Variants in NUP188 observed in about 807,000 individuals in gnomAD.
NUP188 encodes nucleoporin 188, also known as nucleoporin NUP188.
NUP188 carries 97 observed loss-of-function variants against 223.0 expected under a neutral mutation model. That is an observed-to-expected ratio of 0.43 (90% CI 0.37 to 0.51). The LOEUF (loss-of-function observed/expected upper bound fraction) is 0.51. Ranked by LOEUF, NUP188 falls within the 20% of genes least tolerant of loss-of-function variation. NUP188 has a pLI of 0.00. For synonymous variants in NUP188, 869 were observed against 828.0 expected, an observed-to-expected ratio of 1.05 and a Z score of -0.85; for missense variants, 1,947 against 2,175.6, an observed-to-expected ratio of 0.89 and a Z score of 2.09.
At chr9:129,003,537 G>A in intron 38 of NUP188, 83 bp downstream of exon 38, 2 of 1,480,040 alleles carry the variant, frequency 1.4e-6, no homozygotes, top group Non-Finnish European at 1.9e-6. Flanking sequence ...GGCACTCCTA[G>A]TGAATTGCAG....
intron 11 of NUP188, among the ~76,000 whole-genome samples, chr9:128,972,685 C>A (rs75395760): frequency 6.6e-6 from 1 of 152,256 alleles, no homozygotes; most frequent in Non-Finnish European, 1.5e-5. Flanking sequence ...TGTGTGGAGG[C>A]AGAGGATATA....
intron 1 of NUP188, 126 bp downstream of exon 1, chr9:128,947,877 G>A (rs1355096412): frequency 1.6e-5 from 15 of 920,306 alleles, no homozygotes; most frequent in Admixed American, 3.9e-5. Flanking sequence ...TGGATGGACG[G>A]GCACCGAGAC....
chr9:128,985,693 GA>G (rs1020112562), intron 20 of NUP188, among the ~76,000 whole-genome samples: 7 of 152,140 alleles, frequency 4.6e-5, no homozygotes, highest in Non-Finnish European at 7.4e-5. Flanking sequence ...GGTCATGCAT[GA>G]AAAAAACTAT....
At position 128,987,572 on chromosome 9, in the gene NUP188, ATACCTC is replaced by A. The variant is rs1212471274; in HGVS notation, c.2265-15_2265-10del. 2 of 1,606,226 alleles carry A rather than the reference ATACCTC, an allele frequency of 1.2e-6. No homozygotes were observed. The highest frequency in any genetic ancestry group is 1.7e-6 in the Non-Finnish European group (2 of 1,176,426). On this transcript the variant is annotated splice_polypyrimidine_tract_variant and intron_variant, in intron 22 of 43. Transcript: ENST00000372577. ...CTGAGTGGCTCCCTGGTAACTCAGA[ATACCTC>A]TGTCTTCCAGTCATACTCCCAGCCT...
intron 8 of NUP188, chr9:128,964,163 T>G: frequency 3.9e-6 from 1 of 255,272 alleles, no homozygotes; most frequent in Non-Finnish European, 7.8e-6. Context: ...ATGTTGAACA[T>G]CTTTTCACGT....
chr9:128,951,362 C>G (rs1276470648), intron 2 of NUP188, among the ~76,000 whole-genome samples: 1 of 150,070 alleles, frequency 6.7e-6, no homozygotes, highest in Non-Finnish European at 1.5e-5. Flanking sequence ...ATTAGTAGTT[C>G]CAGCTACTCA....
chr9:128,986,689 C>A lies in NUP188; in HGVS notation c.2197+11C>A. 6.2e-7 allele frequency: 1 copy of A among 1,614,116 alleles called. No individual in the cohort carries two copies. The highest frequency in any genetic ancestry group is 8.5e-7 in the Non-Finnish European group (1 of 1,180,008). On this transcript the variant is annotated intron_variant, in intron 21 of 43. Coordinates refer to ENST00000372577, the MANE Select transcript of NUP188 (RefSeq NM_015354.3). ...TGAGGGAACAGATTGGTAAGGACAG[C>A]ATGGGCAGGGAAGACCTGGGGATTT...
chr9:129,005,052 G>A (rs548241743), intron 38 of NUP188, 95 bp from the exon 39 acceptor site: 39 of 811,258 alleles, frequency 4.8e-5, no homozygotes, highest in East Asian at 1.7e-4. Context: ...AGTGAGGAGC[G>A]CATGGGTGTT....
intron 8 of NUP188, 144 bp from the exon 9 acceptor site, chr9:128,968,362 G>A (rs1842060452): frequency 1.6e-5 from 10 of 636,898 alleles, no homozygotes; most frequent in South Asian, 3.9e-5. Context: ...GATCAGTTGC[G>A]TGTAGCAGTT....
chr9:128,983,499 G>T lies in NUP188; in HGVS notation c.1910G>T (p.Gly637Val). The stretch of plus-strand genomic sequence containing the variant: ...GTCTGGACTGATCTTCGTCACACAG[G>T]TTTTTTACCATTTGTGGCCCATCCT... ...AKVWTDLRHT[G>V]FLPFVAHPVS... The change falls in exon 19 of 44, where the codon GGT becomes GTT. Residue 637 changes from glycine (G) to valine (V), a missense_variant. By Grantham distance (109) the Gly-to-Val change is moderately radical. This residue lies in a region of NUP188 where 817 missense variants were observed against 865.8 expected (regional missense o/e 0.94). Transcript: ENST00000372577. 1.2e-6 allele frequency: 2 copies of T among 1,614,072 alleles called. No homozygotes were observed. Among genetic ancestry groups the T allele is most frequent in the Non-Finnish European group, 1.7e-6 (2 of 1,180,006 alleles).
chr9:129,002,020 A>G lies in NUP188; in HGVS notation c.4137+44A>G, dbSNP rs1043674685. On this transcript the variant is annotated intron_variant, in intron 36 of 43. Coordinates refer to ENST00000372577, the MANE Select transcript of NUP188 (RefSeq NM_015354.3). ...CCAGGAGGCCCAGCCTGACCACCCT[A>G]CAGTTCCAGTTGAAAAGTGTCCTCC... The G allele has an allele frequency of 2.0e-6, 3 of 1,501,296 alleles. No individual in the cohort carries two copies. In the African/African-American group the frequency reaches 4.1e-5, roughly 21 times the overall value. The allele number at this position is 1,501,296 out of a possible 1,614,324, so 93.0% of individuals were successfully genotyped here. A position where few individuals can be genotyped will look rare whatever the true frequency, so the allele number is the denominator to read the frequency against.
chr9:128,979,278 C>T lies in NUP188; in HGVS notation c.1220C>T (p.Ala407Val). 6.2e-7 allele frequency: 1 copy of T among 1,611,676 alleles called. No individual in the cohort carries two copies. Among genetic ancestry groups the T allele is most frequent in the Non-Finnish European group, 8.5e-7 (1 of 1,178,284 alleles). The change falls in exon 13 of 44, where the codon GCA (alanine) becomes GTA (valine). Residue 407 changes from alanine (A) to valine (V), a missense_variant. By Grantham distance (64) the Ala-to-Val change is moderately conservative. Coordinates refer to ENST00000372577, the MANE Select transcript of NUP188 (RefSeq NM_015354.3). The part of the protein sequence containing the change: ...LGNQQDIIDT[A>V]CEVLADPSLP... ...CTCAAACAGGATATAATTGATACAG[C>T]ATGTGAAGTATTGGCCGACCCTTCT...
intron 11 of NUP188, among the ~76,000 whole-genome samples, chr9:128,972,392 C>A (rs1447455703): frequency 1.3e-5 from 2 of 152,112 alleles, no homozygotes; most frequent in East Asian, 3.8e-4. Flanking sequence ...GAAGGCAAAA[C>A]CTTGGAGACA....
rs1842677392 is a variant in NUP188, at chr9:129,001,900, C to T, written c.4061C>T (p.Ala1354Val). 4 of 1,614,000 alleles carry T rather than the reference C, an allele frequency of 2.5e-6. 1 individual carries two copies. The South Asian group carries it at 4.4e-5, about 18-fold the overall frequency. The change falls in exon 36 of 44, where the codon GCT (alanine) becomes GTT (valine). Residue 1354 changes from alanine to valine, a missense_variant. By Grantham distance (64) the Ala-to-Val change is moderately conservative. Coordinates refer to ENST00000372577, the MANE Select transcript of NUP188 (RefSeq NM_015354.3). ...TCCTCCCAGGGAGCCACAGCAGTGG[C>T]TGGAGCTGGCATCACCCAGAGCATT... ...ARTQQGATAV[A>V]GAGITQSICL...
rs768994369 is a variant in NUP188, at chr9:128,999,646, C to T, written c.3684C>T (p.Ser1228=). 4 of 1,614,008 alleles carry T rather than the reference C, an allele frequency of 2.5e-6. No homozygotes were observed. Among genetic ancestry groups the T allele is most frequent in the Admixed American group, 1.7e-5 (1 of 59,994 alleles). ...CAGTAAGTGACATCCCCCAGTACTC[C>T]CAGCTGGTGCTGAATGTCTGTGAGA... is the stretch of plus-strand genomic sequence containing the variant. The part of the protein sequence containing the change: ...EMKVSDIPQY[S]QLVLNVCETL... The change falls in exon 34 of 44, where the codon TCC becomes TCT. Residue 1228 remains serine, a synonymous_variant. Transcript: ENST00000372577.
chr9:129,006,528 C>T lies in NUP188; in HGVS notation c.5100C>T (p.Arg1700=), dbSNP rs577229801. 6.2e-6 allele frequency: 10 copies of T among 1,613,762 alleles called. No individual in the cohort carries two copies. The South Asian group carries it at 1.1e-4, about 18-fold the overall frequency. ...ELSTLLSSLS[R]YFRRGAPSSP... ...GCACGCTGCTGTCCAGCCTCTCGCGCTACTTCCGCCGGGGAGCCCCCAGCT... is the reference window on the plus strand; with the variant it reads ...GCACGCTGCTGTCCAGCCTCTCGCGTTACTTCCGCCGGGGAGCCCCCAGCT... Residue 1700 remains arginine (R), a synonymous_variant, in exon 44 of 44, where the codon CGC becomes CGT. Coordinates refer to ENST00000372577, the MANE Select transcript of NUP188 (RefSeq NM_015354.3).
intron 32 of NUP188, 147 bp from the exon 33 acceptor site, chr9:128,999,025 G>A (rs774818046): frequency 3.3e-6 from 2 of 614,000 alleles, no homozygotes; most frequent in Non-Finnish European, 2.8e-6. Flanking sequence ...CCTAATTTTT[G>A]TATTTTTAGT....
At chr9:128,951,110 G>C (rs934038698) in intron 2 of NUP188, among the ~76,000 whole-genome samples, 2 of 151,822 alleles carry the variant, frequency 1.3e-5, no homozygotes, top group Non-Finnish European at 2.9e-5. Flanking sequence ...TCAGGAGTTC[G>C]TGACCAGCCT....
chr9:128,998,235 GTGTC>G lies in NUP188; in HGVS notation c.3429+10_3429+13del, dbSNP rs1405773227. ...TGATGGAACCAAAGCATTAGTAAGT[GTGTC>G]TGGGAGATTTTACATTTCTCCCAGG... On this transcript the variant is annotated splice_region_variant and intron_variant, in intron 31 of 43. Coordinates refer to ENST00000372577, the MANE Select transcript of NUP188 (RefSeq NM_015354.3). The G allele has an allele frequency of 6.2e-7, 1 of 1,610,094 alleles. No homozygotes were observed. Among genetic ancestry groups the G allele is most frequent in the East Asian group, 2.2e-5 (1 of 44,878 alleles).
Sources: allele counts gnomAD v4.1 joint callset (sites outside exome capture counted in the v4.1 genomes callset), GRCh38; gene constraint gnomAD v4.1.1; regional missense constraint gnomAD v4.1.1; transcripts MANE v1.5; gene names NCBI Gene and HGNC (gene_info 2026-07-23, HGNC 2026-07-21).